DNAH7: variants seen among roughly 807,000 people sequenced by gnomAD.
DNAH7 encodes axonemal beta dynein heavy chain 7.
In DNAH7, 397 loss-of-function variants were observed where a neutral mutation model predicts 444.6. That is an observed-to-expected ratio of 0.89 (90% CI 0.82 to 0.97). The LOEUF is 0.97. Ranked by LOEUF, DNAH7 falls within the 50% of genes least tolerant of loss-of-function variation. The probability of loss-of-function intolerance (pLI) is 0.00; values close to 1 mark genes in which losing one functional copy is unlikely to be tolerated. For synonymous variants in DNAH7, 1,636 were observed against 1,624.4 expected, an observed-to-expected ratio of 1.01 and a Z score of -0.17; for missense variants, 4,902 against 4,800.8, an observed-to-expected ratio of 1.02 and a Z score of -0.62.
At chr2:195,837,244 A>T (rs1698419533) in intron 47 of DNAH7, among the ~76,000 whole-genome samples, 1 of 152,194 alleles carries the variant, frequency 6.6e-6, no homozygotes, top group Non-Finnish European at 1.5e-5. Context: ...AATAATTCTA[A>T]AGCTTGAAAT....
chr2:196,048,283 T>C lies in DNAH7; in HGVS notation c.250+13A>G, dbSNP rs763503742. On this transcript the variant is annotated intron_variant, in intron 4 of 64. Transcript: ENST00000312428. ...TTATCCTTAAATCTAATTTAGAATA[T>C]TGAAGTTCTTACCATGGGACTGTTC... The C allele has an allele frequency of 1.3e-5, 20 of 1,586,556 alleles. No homozygotes were observed. The highest frequency in any genetic ancestry group is 5.1e-5 in the Admixed American group (3 of 58,966).
chr2:195,958,132 C>A (rs955018929), intron 18 of DNAH7, among the ~76,000 whole-genome samples: 2 of 151,990 alleles, frequency 1.3e-5, no homozygotes, highest in Admixed American at 1.3e-4. Flanking sequence ...ATAAAGGTTA[C>A]ATGGACTTTG....
intron 40 of DNAH7, 63 bp downstream of exon 40, chr2:195,872,159 TATAAATTGAAGAATATTCTTTTTACCCA>T: frequency 2.8e-6 from 3 of 1,059,586 alleles, no homozygotes; most frequent in Non-Finnish European, 4.2e-6. Flanking sequence ...ATTTCAGCAA[TATAAATTGAAGAATATTCTTTTTACCCA>T]GTTGTTGGCA....
chr2:195,740,317 T>G (rs1046108602), intron 64 of DNAH7, among the ~76,000 whole-genome samples: 1 of 152,102 alleles, frequency 6.6e-6, no homozygotes, highest in Non-Finnish European at 1.5e-5. Context: ...ATGCGCCTCA[T>G]AGAGAAAATA....
At chr2:195,767,171 TA>T (rs1694629532) in intron 61 of DNAH7, among the ~76,000 whole-genome samples, 1 of 152,156 alleles carries the variant, frequency 6.6e-6, no homozygotes, top group Non-Finnish European at 1.5e-5. Context: ...AATTTTCATT[TA>T]AATTTTTTAA....
chr2:195,940,830 T>G (rs1689379747), intron 19 of DNAH7, among the ~76,000 whole-genome samples: 1 of 152,202 alleles, frequency 6.6e-6, no homozygotes, highest in African/African-American at 2.4e-5. Context: ...AGATACCATC[T>G]CATGCCAGTT....
intron 6 of DNAH7, 83 bp downstream of exon 6, chr2:196,027,877 A>G (rs935467458): frequency 7.2e-6 from 9 of 1,254,604 alleles, no homozygotes; most frequent in Non-Finnish European, 1.0e-5. Flanking sequence ...AAGGAGAAGC[A>G]CAGAGTGGTC....
At chr2:196,013,738 G>A (rs1694849662) in intron 9 of DNAH7, among the ~76,000 whole-genome samples, 2 of 152,178 alleles carry the variant, frequency 1.3e-5, no homozygotes, top group Admixed American at 6.5e-5. Context: ...GTGTTATTCT[G>A]CATAATTGAG....
At chr2:195,913,523 C>A (rs983615161) in intron 24 of DNAH7, among the ~76,000 whole-genome samples, 2 of 152,086 alleles carry the variant, frequency 1.3e-5, no homozygotes, top group African/African-American at 4.8e-5. Context: ...GAATATAAAG[C>A]ACAAAATAAG....
At chr2:195,902,503 C>A (rs1238954190) in intron 27 of DNAH7, 1 of 152,016 alleles carries the variant, frequency 6.6e-6, no homozygotes, top group African/African-American at 2.4e-5. Flanking sequence ...ATCAGTCAGC[C>A]AGTCAATGGG....
At chr2:195,871,797 G>T (rs553871018) in intron 40 of DNAH7, among the ~76,000 whole-genome samples, 1 of 88,064 alleles carries the variant, frequency 1.1e-5, no homozygotes, top group African/African-American at 1.2e-4. Context: ...CGGGCGTAGT[G>T]GCGGGCGCCT....
chr2:195,906,427 A>T (rs1280005779), intron 27 of DNAH7, among the ~76,000 whole-genome samples: 5 of 147,688 alleles, frequency 3.4e-5, no homozygotes, highest in Non-Finnish European at 7.5e-5. Context: ...ACACACACAC[A>T]CACTTTTAAA....
rs1185640534 is a variant in DNAH7 at position 195,934,650 on chromosome 2, C to T, written c.3412G>A (p.Gly1138Ser). 1 of 1,614,080 alleles carries T rather than the reference C, an allele frequency of 6.2e-7. No individual in the cohort carries two copies. Among genetic ancestry groups the T allele is most frequent in the Admixed American group, 1.7e-5 (1 of 60,006 alleles). Residue 1138 changes from glycine to serine, a missense_variant, in exon 21 of 65, where the codon GGT (glycine) becomes AGT (serine). Physicochemically the swap from Gly to Ser is moderately conservative, Grantham distance 56. Transcript: ENST00000312428. ...IEIISTAKAR[G>S]QVEKWLVELE... ...TCAACCAACCACTTCTCCACTTGAC[C>T]TCTGGCTTTGGCTGTTGAAATAATC... is the stretch of plus-strand genomic sequence containing the variant.
chr2:195,820,816 C>T (rs1197461184), intron 49 of DNAH7, among the ~76,000 whole-genome samples: 2 of 152,024 alleles, frequency 1.3e-5, no homozygotes, highest in Non-Finnish European at 2.9e-5. Context: ...AAGAAACAAC[C>T]CCATGGGCAA....
At chr2:195,928,756 A>G (rs1315730163) in intron 21 of DNAH7, among the ~76,000 whole-genome samples, 1 of 146,876 alleles carries the variant, frequency 6.8e-6, no homozygotes, top group Non-Finnish European at 1.5e-5. Flanking sequence ...AAACATTAAG[A>G]AGAGAAAGAA....
intron 8 of DNAH7, among the ~76,000 whole-genome samples, chr2:196,021,341 A>C (rs751452587): frequency 7.2e-5 from 11 of 152,246 alleles, no homozygotes; most frequent in Non-Finnish European, 4.4e-5. Flanking sequence ...AACAAAGCAC[A>C]TAAGAACAAT....
At chr2:195,813,233 A>G (rs1041426880) in intron 51 of DNAH7, among the ~76,000 whole-genome samples, 8 of 152,220 alleles carry the variant, frequency 5.3e-5, no homozygotes, top group Non-Finnish European at 1.5e-5. Flanking sequence ...GACAAGTAAA[A>G]ATTGAAAATA....
At chr2:195,758,498 T>C (rs984395129) in intron 61 of DNAH7, among the ~76,000 whole-genome samples, 6 of 152,164 alleles carry the variant, frequency 3.9e-5, no homozygotes, top group African/African-American at 9.7e-5. Flanking sequence ...AGATGGCCAA[T>C]AGAAGCCTCC....
intron 43 of DNAH7, among the ~76,000 whole-genome samples, chr2:195,858,138 T>C (rs1345447056): frequency 6.6e-6 from 1 of 152,178 alleles, no homozygotes; most frequent in Non-Finnish European, 1.5e-5. Context: ...TGTCTAAATA[T>C]GAAAAAGGTA....
Sources: gnomAD v4.1 joint callset for allele counts (sites outside exome capture counted in the v4.1 genomes callset) on GRCh38, gnomAD v4.1.1 for gene constraint, MANE v1.5 for transcripts, NCBI Gene and HGNC (gene_info 2026-07-23, HGNC 2026-07-21) for gene names.